Variants in TICRR observed in about 807,000 individuals in gnomAD.
The protein encoded by TICRR is treslin.
Under a neutral mutation model 178.1 loss-of-function variants are expected in TICRR, and 132 were observed. That is an observed-to-expected ratio of 0.74 (90% CI 0.64 to 0.86). TICRR has a LOEUF of 0.86. Ranked by LOEUF, TICRR falls within the 40% of genes least tolerant of loss-of-function variation. The pLI is 0.00. For missense variants in TICRR, 2,587 were observed against 2,334.3 expected (o/e 1.11, Z -2.23); for synonymous variants, 991 against 900.7 (o/e 1.10, Z -1.79).
intron 13 of TICRR, among the ~76,000 whole-genome samples, chr15:89,605,003 A>G (rs986295076): frequency 6.6e-6 from 1 of 152,154 alleles, no homozygotes; most frequent in African/African-American, 2.4e-5. Context: ...ATGTATATTA[A>G]TTTCTTTTAC....
rs1243088899 is a variant in TICRR at position 89,624,074 on chromosome 15, C to T, written c.3764C>T (p.Ala1255Val). 7 of 1,614,050 alleles carry T rather than the reference C, an allele frequency of 4.3e-6. No individual in the cohort carries two copies. The East Asian group carries it at 8.9e-5, about 21-fold the overall frequency. ...RDPLRTPPRA[A>V]AFMGTPQNQT... The stretch of plus-strand genomic sequence containing the variant: ...CCTCTCAGAACACCTCCGAGAGCAG[C>T]AGCCTTCATGGGCACGCCTCAGAAT... Residue 1255 changes from alanine (A) to valine (V), a missense_variant, in exon 20 of 22, where the codon GCA becomes GTA. Physicochemically the swap from Ala to Val is moderately conservative, Grantham distance 64. Coordinates refer to ENST00000268138, the MANE Select transcript of TICRR (RefSeq NM_152259.4).
Position 89,625,327 on chromosome 15 carries a change from C to T in TICRR, c.5017C>T (p.His1673Tyr). ...GGTTCCTTGGACACCATCCCCCAAG[C>T]ACAGTGGGAAGACAACTCCAGACAT... ...DGVPWTPSPK[H>Y]SGKTTPDIIK... is the part of the protein sequence containing the mutation. Residue 1673 changes from histidine to tyrosine, a missense_variant, in exon 20 of 22, where the codon CAC becomes TAC. His to Tyr is a moderately conservative substitution (Grantham distance 83, BLOSUM62 2). Coordinates refer to ENST00000268138, the MANE Select transcript of TICRR (RefSeq NM_152259.4). 6.2e-7 allele frequency: 1 copy of T among 1,614,088 alleles called. No individual in the cohort carries two copies. The highest frequency in any genetic ancestry group is 8.5e-7 in the Non-Finnish European group (1 of 1,180,004).
Position 89,623,789 on chromosome 15 carries a change from C to T in TICRR, c.3479C>T (p.Ser1160Phe). Reference sequence around the variant, plus strand: ...GCTTTTAAGGAGTCCTTAAAAGACTCCTCCTCACCCGGCCATGACTCACCA... The same window carrying T: ...GCTTTTAAGGAGTCCTTAAAAGACTTCTCCTCACCCGGCCATGACTCACCA... Reference protein sequence around the residue: ...QAAFKESLKDSSSPGHDSPLD... With the variant: ...QAAFKESLKDFSSPGHDSPLD... Residue 1160 changes from serine (S) to phenylalanine (F), a missense_variant, in exon 20 of 22, where the codon TCC (serine) becomes TTC (phenylalanine). Transcript: ENST00000268138. 6.2e-7 allele frequency: 1 copy of T among 1,613,978 alleles called. No homozygotes were observed. The highest frequency in any genetic ancestry group is 8.5e-7 in the Non-Finnish European group (1 of 1,179,958).
chr15:89,576,815 G>GTATATATATATATA (rs1962624796), intron 1 of TICRR, among the ~76,000 whole-genome samples: 7 of 106,852 alleles, frequency 6.6e-5, no homozygotes, highest in African/African-American at 2.7e-4. Flanking sequence ...GTGTGTATGT[G>GTATATATATATATA]TGTGTGTATA....
chr15:89,600,391 C>T (rs943392073), intron 8 of TICRR, among the ~76,000 whole-genome samples, 194 bp from the exon 9 acceptor site: 1 of 152,136 alleles, frequency 6.6e-6, no homozygotes, highest in Non-Finnish European at 1.5e-5. Flanking sequence ...TATCCATGCC[C>T]ACTAGCTCTC....
intron 1 of TICRR, among the ~76,000 whole-genome samples, chr15:89,577,891 A>G (rs7168627): frequency 0.34 from 51,090 of 151,640 alleles, 8,644 homozygotes; most frequent in South Asian, 0.37. Context: ...GATTACAGGC[A>G]TGAGCCACCG....
intron 17 of TICRR, among the ~76,000 whole-genome samples, chr15:89,618,428 T>C (rs760814567): frequency 1.6e-4 from 25 of 152,322 alleles, no homozygotes; most frequent in African/African-American, 3.9e-4. Context: ...ACAACAGATA[T>C]GAAATTCAGG....
Position 89,627,016 on chromosome 15 carries a change from C to G in TICRR, c.5663C>G (p.Ser1888Cys), listed in dbSNP as rs1963541763. ...GACTCTCCTTTCAGTCGCGCTTTCT[C>G]CAGGAGGCGCCCCATCAGCAGAACT... ...VEDSPFSRAF[S>C]RRRPISRTYT... The change falls in exon 22 of 22, where the codon TCC (serine) becomes TGC (cysteine). Residue 1888 changes from serine (S) to cysteine (C), a missense_variant. Transcript: ENST00000268138. The G allele has an allele frequency of 6.2e-7, 1 of 1,614,002 alleles. No homozygotes were observed. Among genetic ancestry groups the G allele is most frequent in the Non-Finnish European group, 8.5e-7 (1 of 1,180,030 alleles).
At chr15:89,608,592 C>T (rs1271964082) in intron 14 of TICRR, among the ~76,000 whole-genome samples, 1 of 152,122 alleles carries the variant, frequency 6.6e-6, no homozygotes, top group Non-Finnish European at 1.5e-5. Context: ...TGCAAAATAA[C>T]ATATAAAATT....
chr15:89,619,806 G>C lies in TICRR; in HGVS notation c.3118G>C (p.Val1040Leu), dbSNP rs1963394889. ...TGTGTCTCAGCCGAAGTCTCGAAGT[G>C]TGCAAAGAGTCCACTCTTTCCAGCA... ...YSVSQPKSRS[V>L]QRVHSFQQDK... The change falls in exon 18 of 22, where the codon GTG (valine) becomes CTG (leucine). Residue 1040 changes from valine (V) to leucine (L), a missense_variant. Physicochemically the swap from Val to Leu is conservative, Grantham distance 32. Transcript: ENST00000268138. The C allele has an allele frequency of 6.2e-7, 1 of 1,613,540 alleles. No homozygotes were observed. Among genetic ancestry groups the C allele is most frequent in the Admixed American group, 1.7e-5 (1 of 59,842 alleles).
chr15:89,591,033 ATCT>A (rs1164399428), intron 4 of TICRR, among the ~76,000 whole-genome samples: 6 of 152,154 alleles, frequency 3.9e-5, no homozygotes, highest in East Asian at 3.9e-4. Context: ...ACAGAGCCAC[ATCT>A]TCTTATTTCC....
intron 4 of TICRR, among the ~76,000 whole-genome samples, chr15:89,590,338 C>G (rs758734575): frequency 6.6e-6 from 1 of 152,156 alleles, no homozygotes; most frequent in Non-Finnish European, 1.5e-5. Flanking sequence ...ACCAAAGCAA[C>G]GTAATATTTT....
rs79102063 is a variant in TICRR, at chr15:89,582,681, T to C, written c.655-5T>C. ...AACCTAAGGTTGTTTGTCGTTTTAT[T>C]TTAGTTGTGGGAATCCCCAGACCAC... On this transcript the variant is annotated splice_region_variant and splice_polypyrimidine_tract_variant and intron_variant, in intron 1 of 21. Transcript: ENST00000268138. 2,085 of 1,610,626 alleles carry C rather than the reference T, an allele frequency of 1.3e-3. 36 individuals carry two copies. In the East Asian group the frequency reaches 0.04, roughly 31 times the overall value.
chr15:89,627,092 A>G lies in TICRR; in HGVS notation c.*6A>G, dbSNP rs1238689184. The G allele has an allele frequency of 6.2e-7, 1 of 1,613,898 alleles. No homozygotes were observed. Among genetic ancestry groups the G allele is most frequent in the East Asian group, 2.2e-5 (1 of 44,888 alleles). Reference sequence around the variant, plus strand: ...CCTGGCTGGAGGACTTATAGCCACAAACATTACTGAGCCCAAAAGATCAAG... The same window carrying G: ...CCTGGCTGGAGGACTTATAGCCACAGACATTACTGAGCCCAAAAGATCAAG... On this transcript the variant is annotated 3_prime_UTR_variant, in exon 22 of 22. Transcript: ENST00000268138.
chr15:89,607,520 A>G (rs1963192603), intron 14 of TICRR, among the ~76,000 whole-genome samples: 1 of 152,138 alleles, frequency 6.6e-6, no homozygotes, highest in South Asian at 2.1e-4. Context: ...AACATTGGGA[A>G]AATAGAGAAT....
Position 89,618,222 on chromosome 15 carries a change from C to T in TICRR, c.3019+12C>T, listed in dbSNP as rs1363334430. 2 of 1,613,116 alleles carry T rather than the reference C, an allele frequency of 1.2e-6. No homozygotes were observed. Among genetic ancestry groups the T allele is most frequent in the African/African-American group, 2.7e-5 (2 of 74,866 alleles). On this transcript the variant is annotated intron_variant, in intron 17 of 21. Transcript: ENST00000268138. ...TGAAAAAGGAGATGGTGAGTGTTAT[C>T]TCTTTTTGTTTTTAATGCAATCTAC...
At position 89,601,491 on chromosome 15, in the gene TICRR, G is replaced by A; in HGVS notation, c.2250G>A (p.Val750=). ...TDDMEQVVEE[V]TDLLRMVCLT... ...TAACGTTCTAAAATCTCCTTCAGGT[G>A]ACAGATTTGCTGCGCATGGTGTGTT... The change falls in exon 11 of 22, where the codon GTG becomes GTA. Residue 750 remains valine, a splice_region_variant and synonymous_variant. Transcript: ENST00000268138. 4.3e-6 allele frequency: 7 copies of A among 1,614,192 alleles called. 1 individual carries two copies. The highest frequency in any genetic ancestry group is 5.9e-6 in the Non-Finnish European group (7 of 1,180,012).
chr15:89,609,777 T>C (rs1170912965), intron 15 of TICRR, among the ~76,000 whole-genome samples: 1 of 151,962 alleles, frequency 6.6e-6, no homozygotes, highest in African/African-American at 2.4e-5. Flanking sequence ...TGGCCTCTAT[T>C]GGTTTTCTAA....
In TICRR at chr15:89,624,059, C is replaced by T. The variant is rs1267673213; in HGVS notation, c.3749C>T (p.Thr1250Ile). 6.2e-7 allele frequency: 1 copy of T among 1,613,900 alleles called. No individual in the cohort carries two copies. Among genetic ancestry groups the T allele is most frequent in the East Asian group, 2.2e-5 (1 of 44,874 alleles). The change falls in exon 20 of 22, where the codon ACA becomes ATA. Residue 1250 changes from threonine to isoleucine, a missense_variant. Transcript: ENST00000268138. ...ACTCCCATCAGAGACCCTCTCAGAA[C>T]ACCTCCGAGAGCAGCAGCCTTCATG... ...CLTPIRDPLRTPPRAAAFMGT... is the reference protein window; with the variant it reads ...CLTPIRDPLRIPPRAAAFMGT...
Sources: gnomAD v4.1 joint callset for allele counts (sites outside exome capture counted in the v4.1 genomes callset) on GRCh38, gnomAD v4.1.1 for gene constraint, MANE v1.5 for transcripts, NCBI Gene and HGNC (gene_info 2026-07-23, HGNC 2026-07-21) for gene names.